Variants in SH3D19 observed in about 807,000 individuals in gnomAD.
SH3D19 encodes SH3 domain containing 19.
In SH3D19, 58 loss-of-function variants were observed where a neutral mutation model predicts 112.1. The ratio of observed to expected loss-of-function variants is 0.52; its 90% CI spans 0.42 to 0.64. The LOEUF is 0.64. Ranked by LOEUF, SH3D19 falls within the 30% of genes least tolerant of loss-of-function variation. The probability of loss-of-function intolerance (pLI) is 0.00; values close to 1 mark genes in which losing one functional copy is unlikely to be tolerated. For missense variants in SH3D19, 1,090 were observed against 1,263.4 expected (o/e 0.86, Z 2.08); for synonymous variants, 391 against 448.5 (o/e 0.87, Z 1.62).
At position 151,121,355 on chromosome 4, in the gene SH3D19, GA is replaced by G. The variant is rs1223619208; in HGVS notation, c.*735del. The G allele has an allele frequency of 2.0e-5, 3 of 152,510 alleles. No individual in the cohort carries two copies. The highest frequency in any genetic ancestry group is 4.4e-5 in the Non-Finnish European group (3 of 68,028). 9.4% of individuals were successfully genotyped at this position (152,510 alleles called of 1,614,324 possible). A position where few individuals can be genotyped will look rare whatever the true frequency, so the allele number is the denominator to read the frequency against. ...CTGTTAACATAAAGTATACACTGAG[GA>G]AAAAAATAAGTATGGCACATATATG... On this transcript the variant is annotated 3_prime_UTR_variant, in exon 20 of 20. Coordinates refer to ENST00000604030, the MANE Select transcript of SH3D19 (RefSeq NM_001378122.1).
intron 2 of SH3D19, among the ~76,000 whole-genome samples, chr4:151,191,376 C>A (rs763174138): frequency 5.9e-5 from 9 of 152,000 alleles, no homozygotes; most frequent in Non-Finnish European, 1.2e-4. Context: ...TTGGGAGGGG[C>A]CAGGGGTGAA....
At position 151,317,768 on chromosome 4, in the gene SH3D19, G is replaced by C. The variant is rs887037461; in HGVS notation, c.112+7473C>G. On this transcript the variant is annotated intron_variant, in intron 1 of 19. Coordinates refer to ENST00000604030, the MANE Select transcript of SH3D19 (RefSeq NM_001378122.1). ...GCAGGCACATCACCTGAGGTCAGGAGTTCGAGACCAGCCAGGCCAACTCTG... is the reference window on the plus strand; with the variant it reads ...GCAGGCACATCACCTGAGGTCAGGACTTCGAGACCAGCCAGGCCAACTCTG... 3.3e-5 allele frequency among the ~76,000 whole-genome samples: 5 copies of C among 152,134 alleles called. No individual in the cohort carries two copies. The East Asian group carries it at 9.6e-4, about 29-fold the overall frequency.
rs1034033254 is a variant in SH3D19, at chr4:151,306,806, T to C, written c.112+18435A>G. ...GTCACTGTCCCTTTCCTGAAGAGGC[T>C]GTCAAATGGTAACCACCTTTTTCCA... On this transcript the variant is annotated intron_variant, in intron 1 of 19. Transcript: ENST00000604030. Among the ~76,000 whole-genome samples, 26 of 152,230 alleles carry C rather than the reference T, an allele frequency of 1.7e-4. 1 individual carries two copies. The highest frequency in any genetic ancestry group is 1.2e-3 in the Admixed American group (19 of 15,278).
Position 151,121,950 on chromosome 4 carries a change from G to A in SH3D19, c.*141C>T. 1 of 546,268 alleles carries A rather than the reference G, an allele frequency of 1.8e-6. No homozygotes were observed. The highest frequency in any genetic ancestry group is 3.0e-5 in the South Asian group (1 of 32,984). 33.8% of individuals were successfully genotyped at this position (546,268 alleles called of 1,614,324 possible). ...TAACTACAAAATCTGAACGTTTTCT[G>A]CTTTCAGAAAATTCTAGTGTACCAT... On this transcript the variant is annotated 3_prime_UTR_variant, in exon 20 of 20. Transcript: ENST00000604030.
intron 1 of SH3D19, among the ~76,000 whole-genome samples, chr4:151,226,763 G>T (rs554728967): frequency 6.6e-6 from 1 of 152,304 alleles, no homozygotes; most frequent in African/African-American, 2.4e-5. Flanking sequence ...CATCCAAAAT[G>T]TCAGCAGTGC....
chr4:151,150,242 T>TATATATATACACACATATATATAC lies in SH3D19; in HGVS notation c.1756-705_1756-682dup, dbSNP rs1311631736. On this transcript the variant is annotated intron_variant, in intron 9 of 19. Transcript: ENST00000604030. ...ATATATATATATACACACACACATA[T>TATATATATACACACATATATATAC]ATATATATACACACATATATATACA... Among the ~76,000 whole-genome samples the TATATATATACACACATATATATAC allele has an allele frequency of 3.1e-4, 14 of 45,072 alleles. No individual in the cohort carries two copies. The Admixed American group carries it at 4.5e-3, about 14-fold the overall frequency. The allele number at this position is 45,072 out of a possible 152,430, so 29.6% of individuals were successfully genotyped here.
chr4:151,267,218 C>A, intron 1 of SH3D19, among the ~76,000 whole-genome samples: 1 of 151,510 alleles, frequency 6.6e-6, no homozygotes, highest in East Asian at 1.9e-4. Flanking sequence ...GCCTGTAGTC[C>A]CAGCTACTCA....
At chr4:151,267,398 A>G (rs78602234) in intron 1 of SH3D19, among the ~76,000 whole-genome samples, 1,583 of 151,946 alleles carry the variant, frequency 0.01, 27 homozygotes, top group African/African-American at 0.036. Context: ...TTGGAAAGCT[A>G]TAAGGTTTTT....
At chr4:151,181,001 C>T (rs1249356132) in intron 3 of SH3D19, among the ~76,000 whole-genome samples, 1 of 148,912 alleles carries the variant, frequency 6.7e-6, no homozygotes, top group Non-Finnish European at 1.5e-5. Flanking sequence ...TCTTGATCTC[C>T]TGACCTCGTG....
At chr4:151,130,909 C>T (rs1393060440) in intron 17 of SH3D19, among the ~76,000 whole-genome samples, 1 of 151,196 alleles carries the variant, frequency 6.6e-6, no homozygotes, top group Non-Finnish European at 1.5e-5. Flanking sequence ...CACTGCACTC[C>T]AGCCTGGGCG....
intron 2 of SH3D19, among the ~76,000 whole-genome samples, chr4:151,205,789 T>C (rs965736910): frequency 6.6e-6 from 1 of 152,218 alleles, no homozygotes; most frequent in African/African-American, 2.4e-5. Context: ...ACTCACTTAA[T>C]CCACACATCC....
chr4:151,251,160 C>T (rs1771347860), intron 1 of SH3D19, among the ~76,000 whole-genome samples: 1 of 151,624 alleles, frequency 6.6e-6, no homozygotes, highest in Non-Finnish European at 1.5e-5. Context: ...AAGCATCCCA[C>T]CTTGCCAACC....
At chr4:151,156,923 A>G (rs949900976) in intron 9 of SH3D19, among the ~76,000 whole-genome samples, 20 of 152,210 alleles carry the variant, frequency 1.3e-4, no homozygotes, top group African/African-American at 4.1e-4. Context: ...CTGATAGGGG[A>G]TTAGTATCCA....
chr4:151,241,022 C>T (rs886418113), intron 1 of SH3D19, among the ~76,000 whole-genome samples: 2 of 151,748 alleles, frequency 1.3e-5, no homozygotes, highest in African/African-American at 4.9e-5. Flanking sequence ...AGAAGCCAGC[C>T]AGGTGTAATC....
At chr4:151,288,402 GAACT>G (rs1055105058) in intron 1 of SH3D19, among the ~76,000 whole-genome samples, 1 of 152,118 alleles carries the variant, frequency 6.6e-6, no homozygotes, top group Admixed American at 6.6e-5. Flanking sequence ...CAAAAAATTA[GAACT>G]AATAAACACA....
At chr4:151,266,336 T>C (rs1260079097) in intron 1 of SH3D19, 6 of 152,034 alleles carry the variant, frequency 3.9e-5, no homozygotes, top group African/African-American at 1.4e-4. Flanking sequence ...ATATAAACTT[T>C]AAATTTAAAG....
At chr4:151,310,554 A>G (rs1292841414) in intron 1 of SH3D19, among the ~76,000 whole-genome samples, 3 of 151,912 alleles carry the variant, frequency 2.0e-5, no homozygotes, top group Admixed American at 2.0e-4. Context: ...TATATATCCA[A>G]AGGAAATAAA....
chr4:151,184,174 G>A (rs562629989), intron 3 of SH3D19, among the ~76,000 whole-genome samples: 10 of 152,240 alleles, frequency 6.6e-5, no homozygotes, highest in African/African-American at 1.7e-4. Flanking sequence ...GGACCCCAAG[G>A]CTTGACTGGA....
intron 1 of SH3D19, among the ~76,000 whole-genome samples, chr4:151,255,197 G>C (rs987567386): frequency 1.2e-4 from 18 of 151,676 alleles, no homozygotes; most frequent in African/African-American, 4.1e-4. Context: ...AGATGGGGTG[G>C]CTGCCGGGCG....
Sources: allele counts gnomAD v4.1 joint callset (sites outside exome capture counted in the v4.1 genomes callset), GRCh38; gene constraint gnomAD v4.1.1; transcripts MANE v1.5; gene names NCBI Gene and HGNC (gene_info 2026-07-23, HGNC 2026-07-21).